The following PCNT variants were observed in gnomAD, a reference collection of about 807,000 sequenced individuals.
The protein encoded by PCNT is pericentrin, also known as kendrin.
A neutral mutation model predicts 380.4 loss-of-function variants in PCNT; 319 were observed. The observed-to-expected ratio is 0.84, with a 90% CI of 0.77 to 0.92. PCNT has a LOEUF of 0.92. Among genes scored for constraint, PCNT ranks in the 40% least tolerant of loss-of-function variants. PCNT has a pLI of 0.00. For synonymous variants in PCNT, 1,845 were observed against 1,735.2 expected (o/e 1.06, Z -1.57); for missense variants, 4,400 against 4,255.3 (o/e 1.03, Z -0.95).
At chr21:46,414,053 A>G (rs1489455028) in intron 29 of PCNT, among the ~76,000 whole-genome samples, 4 of 149,016 alleles carry the variant, frequency 2.7e-5, no homozygotes, top group Non-Finnish European at 5.9e-5. Context: ...GTGCAGTGGC[A>G]CGATCTCAGC....
intron 3 of PCNT, among the ~76,000 whole-genome samples, chr21:46,345,738 C>T (rs532756112): frequency 1.0e-3 from 154 of 152,282 alleles, no homozygotes; most frequent in African/African-American, 2.8e-3. Flanking sequence ...GCAGCCACCC[C>T]GCTCTCCTCC....
At chr21:46,413,855 C>T (rs1253865068) in intron 29 of PCNT, among the ~76,000 whole-genome samples, 2 of 152,172 alleles carry the variant, frequency 1.3e-5, no homozygotes, top group Non-Finnish European at 2.9e-5. Flanking sequence ...GGAGATTTAG[C>T]GAGAAAAGCG....
At chr21:46,380,145 A>ATTTTTTTTTT (rs552854585) in intron 15 of PCNT, among the ~76,000 whole-genome samples, 2 of 59,684 alleles carry the variant, frequency 3.4e-5, no homozygotes, top group Admixed American at 2.6e-4. Context: ...CCTGGGGTAG[A>ATTTTTTTTTT]TTTTTTTTTT....
At position 46,440,121 on chromosome 21, in the gene PCNT, T is replaced by TC. The variant is rs780669742; in HGVS notation, c.9314dup (p.Gln3106ThrfsTer41). On this transcript the variant is annotated frameshift_variant, in exon 42 of 47. Transcript: ENST00000359568. LOFTEE classifies it high-confidence loss of function. ...CTGCTTGGAAGCCAGACGAAACGGC[T>TC]CCACAGAGTTCCCTGAGGCGCCCAG... The TC allele has an allele frequency of 6.2e-7, 1 of 1,614,064 alleles. No homozygotes were observed. Among genetic ancestry groups the TC allele is most frequent in the Non-Finnish European group, 8.5e-7 (1 of 1,179,960 alleles).
At chr21:46,401,434 A>G in intron 25 of PCNT, 117 bp from the exon 26 acceptor site, 1 of 843,876 alleles carries the variant, frequency 1.2e-6, no homozygotes. Flanking sequence ...AGGGGCGTGC[A>G]GGTCCACCTG....
At chr21:46,406,724 G>GT (rs2086632216) in intron 27 of PCNT, among the ~76,000 whole-genome samples, 1 of 152,048 alleles carries the variant, frequency 6.6e-6, no homozygotes, top group Non-Finnish European at 1.5e-5. Context: ...TTAGCTTTAG[G>GT]TTTTTCACAG....
intron 15 of PCNT, among the ~76,000 whole-genome samples, chr21:46,370,050 G>T (rs1449519235): frequency 1.3e-5 from 2 of 152,226 alleles, no homozygotes; most frequent in Non-Finnish European, 2.9e-5. Context: ...TCCCACAGGG[G>T]TGCCTCCCCG....
intron 41 of PCNT, among the ~76,000 whole-genome samples, chr21:46,439,158 TCA>T (rs940952453): frequency 6.6e-6 from 1 of 151,738 alleles, no homozygotes; most frequent in African/African-American, 2.4e-5. Flanking sequence ...TCATACAAGT[TCA>T]CACACACACA....
At chr21:46,390,903 G>A in intron 20 of PCNT, 71 bp downstream of exon 20, 1 of 1,512,354 alleles carries the variant, frequency 6.6e-7, no homozygotes, top group Non-Finnish European at 9.0e-7. Context: ...ACTGAGGGAA[G>A]GAAGCCTTCA....
chr21:46,357,988 A>G (rs2084538277), intron 13 of PCNT, among the ~76,000 whole-genome samples: 1 of 152,250 alleles, frequency 6.6e-6, no homozygotes, highest in African/African-American at 2.4e-5. Context: ...AGCAGCCTCC[A>G]CATGGCCCGA....
intron 4 of PCNT, 133 bp from the exon 5 acceptor site, chr21:46,346,610 C>T (rs1315437390): frequency 6.8e-6 from 8 of 1,174,322 alleles, no homozygotes; most frequent in South Asian, 1.4e-5. Flanking sequence ...GTGTCCTGCC[C>T]CTGCTTCCAC....
At chr21:46,375,096 A>C (rs1269205082) in intron 15 of PCNT, among the ~76,000 whole-genome samples, 1 of 152,188 alleles carries the variant, frequency 6.6e-6, no homozygotes. Flanking sequence ...TTGTGAGGAA[A>C]GTCCTCTGAA....
rs141304187 is a variant in PCNT at position 46,442,534 on chromosome 21, C to T, written c.9661C>T (p.Arg3221Trp). The change falls in exon 44 of 47, where the codon CGG (arginine) becomes TGG (tryptophan). Residue 3221 changes from arginine (R) to tryptophan (W), a missense_variant. Coordinates refer to ENST00000359568, the MANE Select transcript of PCNT (RefSeq NM_006031.6). ...GGTTAAGAAATGGCAAGAAGTAGAT[C>T]GGAAAGGAGCTCTGGCACAAGGCAA... ...FLVKKWQEVD[R>W]KGALAQGKAP... 115 of 1,612,550 alleles carry T rather than the reference C, an allele frequency of 7.1e-5. No homozygotes were observed. The highest frequency in any genetic ancestry group is 4.0e-4 in the East Asian group (18 of 44,832).
chr21:46,348,971 T>C, intron 6 of PCNT, 41 bp from the exon 7 acceptor site: 1 of 1,297,876 alleles, frequency 7.7e-7, no homozygotes, highest in South Asian at 1.2e-5. Context: ...TTAGCACAGA[T>C]AATCAACTAT....
chr21:46,434,900 G>A (rs1046409091), intron 38 of PCNT, among the ~76,000 whole-genome samples: 1 of 152,312 alleles, frequency 6.6e-6, no homozygotes, highest in South Asian at 2.1e-4. Context: ...AGCGTCATCC[G>A]GTCTGTTCTG....
chr21:46,428,379 C>T lies in PCNT; in HGVS notation c.7495-16C>T. 1 of 1,610,290 alleles carries T rather than the reference C, an allele frequency of 6.2e-7. No homozygotes were observed. Among genetic ancestry groups the T allele is most frequent in the Non-Finnish European group, 8.5e-7 (1 of 1,178,636 alleles). On this transcript the variant is annotated splice_polypyrimidine_tract_variant and intron_variant, in intron 34 of 46. Coordinates refer to ENST00000359568, the MANE Select transcript of PCNT (RefSeq NM_006031.6). Reference sequence around the variant, plus strand: ...GCTGCCCAATGCTCAGGCTGCTTGTCCCATTGTGCCCCCAGGGAGACCTGC... The same window carrying T: ...GCTGCCCAATGCTCAGGCTGCTTGTTCCATTGTGCCCCCAGGGAGACCTGC...
Position 46,402,349 on chromosome 21 carries a change from C to G in PCNT, c.4981C>G (p.Gln1661Glu), listed in dbSNP as rs757295035. 1.2e-6 allele frequency: 2 copies of G among 1,606,590 alleles called. No individual in the cohort carries two copies. The highest frequency in any genetic ancestry group is 1.3e-5 in the African/African-American group (1 of 74,796). The change falls in exon 27 of 47, where the codon CAG becomes GAG. Residue 1661 changes from glutamine (Q) to glutamate (E), a missense_variant. Physicochemically the swap from Gln to Glu is conservative, Grantham distance 29. Transcript: ENST00000359568. ...RESEVLDLKE[Q>E]LEKMKGDLES... ...ATGAAAGGTTTTGGACTTAAAAGAA[C>G]AGCTAGAAAAGATGAAAGGTGACTT...
At position 46,384,505 on chromosome 21, in the gene PCNT, C is replaced by T. The variant is rs564611473; in HGVS notation, c.3313-1327C>T. ...AAGCGCATTCACGGTGTTGTACATT[C>T]AGTGACGGAAGAGCATTCACGGTGT... On this transcript the variant is annotated intron_variant, in intron 16 of 46. Coordinates refer to ENST00000359568, the MANE Select transcript of PCNT (RefSeq NM_006031.6). Among the ~76,000 whole-genome samples, 12 of 144,660 alleles carry T rather than the reference C, an allele frequency of 8.3e-5. 1 individual carries two copies. The East Asian group carries it at 8.5e-4, about 10-fold the overall frequency. 94.9% of individuals were successfully genotyped at this position (144,660 alleles called of 152,430 possible). A position where few individuals can be genotyped will look rare whatever the true frequency, so the allele number is the denominator to read the frequency against.
At chr21:46,423,708 AGAGGAGGAGGAAGAGAAG>A (rs2087352671) in intron 32 of PCNT, among the ~76,000 whole-genome samples, 1 of 66,222 alleles carries the variant, frequency 1.5e-5, no homozygotes. Context: ...GAGGAGGGGG[AGAGGAGGAGGAAGAGAAG>A]GGGAGGGGGA....
Sources: gnomAD v4.1 joint callset for allele counts (sites outside exome capture counted in the v4.1 genomes callset) on GRCh38, gnomAD v4.1.1 for gene constraint, MANE v1.5 for transcripts, NCBI Gene and HGNC (gene_info 2026-07-23, HGNC 2026-07-21) for gene names.